Variants in SPP2 observed in about 807,000 individuals in gnomAD.
SPP2 encodes the protein secreted phosphoprotein 2.
Under a neutral mutation model 28.8 loss-of-function variants are expected in SPP2, and 34 were observed. That is an observed-to-expected ratio of 1.18 (90% CI 0.90 to 1.57). The LOEUF (loss-of-function observed/expected upper bound fraction) is 1.57. SPP2 is among the 40% of genes most tolerant of loss of function. SPP2 has a pLI of 0.00. For synonymous variants in SPP2, 96 were observed against 89.4 expected (o/e 1.07, Z -0.42); for missense variants, 269 against 263.9 (o/e 1.02, Z -0.13).
At position 234,069,949 on chromosome 2, in the gene SPP2, C is replaced by T. The variant is rs1693900794; in HGVS notation, c.572C>T (p.Pro191Leu). 2 of 1,613,260 alleles carry T rather than the reference C, an allele frequency of 1.2e-6. No homozygotes were observed. Among genetic ancestry groups the T allele is most frequent in the Non-Finnish European group, 1.7e-6 (2 of 1,179,430 alleles). The change falls in exon 7 of 8, where the codon CCT becomes CTT. Residue 191 changes from proline to leucine, a missense_variant. Transcript: ENST00000168148. ...TTAGGGATCATGAGAAGGGTATTGC[C>T]TCCTGGAAACAGAAGGTACCCAAAC... ...RSLGIMRRVL[P>L]PGNRRYPNHR...
At chr2:234,074,010 C>T (rs1690847664) in intron 7 of SPP2, among the ~76,000 whole-genome samples, 1 of 152,176 alleles carries the variant, frequency 6.6e-6, no homozygotes. Context: ...CATTCTCTTG[C>T]ATAAACCTTG....
At chr2:234,057,663 A>G (rs1574825149) in intron 2 of SPP2, among the ~76,000 whole-genome samples, 1 of 152,344 alleles carries the variant, frequency 6.6e-6, no homozygotes, top group East Asian at 1.9e-4. Context: ...TGAGTACTCA[A>G]GAAGTCACAG....
At chr2:234,058,145 C>T (rs1198110121) in intron 2 of SPP2, among the ~76,000 whole-genome samples, 1 of 152,168 alleles carries the variant, frequency 6.6e-6, no homozygotes, top group East Asian at 1.9e-4. Context: ...CGACCAACAG[C>T]ACTGTGACTC....
At chr2:234,060,332 C>G (rs753669598) in intron 3 of SPP2, 37 bp from the exon 4 acceptor site, 7 of 1,455,070 alleles carry the variant, frequency 4.8e-6, no homozygotes, top group Middle Eastern at 3.5e-4. Flanking sequence ...TTTCCACAAA[C>G]AGCTGAAGAG....
chr2:234,063,837 C>G (rs1445214382), intron 4 of SPP2, among the ~76,000 whole-genome samples: 1 of 151,980 alleles, frequency 6.6e-6, no homozygotes, highest in African/African-American at 2.4e-5. Context: ...CTAGGGTTTC[C>G]GACACGAGAC....
At chr2:234,067,859 A>ATT (rs529978987) in intron 6 of SPP2, among the ~76,000 whole-genome samples, 3 of 144,186 alleles carry the variant, frequency 2.1e-5, no homozygotes, top group Non-Finnish European at 4.6e-5. Flanking sequence ...AGCATTCACC[A>ATT]TTTTTTTTTT....
intron 2 of SPP2, among the ~76,000 whole-genome samples, chr2:234,053,743 C>T (rs921985653): frequency 6.6e-6 from 1 of 152,016 alleles, no homozygotes; most frequent in African/African-American, 2.4e-5. Context: ...TTTTCTTGCT[C>T]CAACCTTGAC....
chr2:234,074,382 G>C (rs574321266), intron 7 of SPP2, among the ~76,000 whole-genome samples: 1 of 152,004 alleles, frequency 6.6e-6, no homozygotes, highest in Non-Finnish European at 1.5e-5. Context: ...CACCACCACC[G>C]CCAGCTTTCT....
intron 4 of SPP2, among the ~76,000 whole-genome samples, chr2:234,064,900 G>A (rs1214708555): frequency 6.6e-6 from 1 of 152,130 alleles, no homozygotes; most frequent in African/African-American, 2.4e-5. Context: ...TCATTCCTTT[G>A]TATTGTTCCG....
intron 2 of SPP2, among the ~76,000 whole-genome samples, chr2:234,056,460 A>G (rs550734204): frequency 6.6e-6 from 1 of 152,354 alleles, no homozygotes; most frequent in African/African-American, 2.4e-5. Context: ...TTCAAATGAA[A>G]CAGCAAAAAT....
intron 3 of SPP2, 144 bp downstream of exon 3, chr2:234,059,102 G>A: frequency 5.0e-6 from 5 of 990,830 alleles, no homozygotes; most frequent in Admixed American, 3.1e-5. Context: ...GTCCCCTGGT[G>A]GGGGAAGTGT....
intron 4 of SPP2, among the ~76,000 whole-genome samples, chr2:234,062,518 T>C (rs1693740679): frequency 6.6e-6 from 1 of 152,098 alleles, no homozygotes; most frequent in Non-Finnish European, 1.5e-5. Context: ...CGAGGTTGCC[T>C]GGCTCTATCC....
chr2:234,069,281 T>C (rs1693887351), intron 6 of SPP2, among the ~76,000 whole-genome samples: 1 of 152,130 alleles, frequency 6.6e-6, no homozygotes, highest in African/African-American at 2.4e-5. Flanking sequence ...GGAAGTGATA[T>C]ATCATCACTT....
intron 6 of SPP2, 64 bp from the exon 7 acceptor site, chr2:234,069,864 T>G: frequency 7.8e-7 from 1 of 1,284,446 alleles, no homozygotes; most frequent in South Asian, 1.2e-5. Context: ...GTAGTAACAT[T>G]GTCCACACTG....
chr2:234,072,029 C>G (rs1052577310), intron 7 of SPP2, among the ~76,000 whole-genome samples: 1 of 152,228 alleles, frequency 6.6e-6, no homozygotes, highest in African/African-American at 2.4e-5. Context: ...TCAACTGCCA[C>G]TGTCCCGCAG....
At chr2:234,056,560 C>T (rs1055461399) in intron 2 of SPP2, among the ~76,000 whole-genome samples, 2 of 152,104 alleles carry the variant, frequency 1.3e-5, no homozygotes, top group Non-Finnish European at 2.9e-5. Context: ...ATGATCTGTA[C>T]CCCCAAAAAA....
At chr2:234,055,743 G>A (rs1693592831) in intron 2 of SPP2, among the ~76,000 whole-genome samples, 1 of 151,972 alleles carries the variant, frequency 6.6e-6, no homozygotes, top group Admixed American at 6.6e-5. Context: ...TTCATATGAA[G>A]GTATACAATG....
intron 2 of SPP2, among the ~76,000 whole-genome samples, chr2:234,055,371 G>A (rs1379037468): frequency 6.6e-6 from 1 of 152,180 alleles, no homozygotes; most frequent in African/African-American, 2.4e-5. Context: ...CTGATTCGAT[G>A]AAGCCCACCC....
intron 6 of SPP2, among the ~76,000 whole-genome samples, chr2:234,069,131 G>A (rs1693883466): frequency 6.6e-6 from 1 of 151,902 alleles, no homozygotes; most frequent in South Asian, 2.1e-4. Context: ...CTTTCCATAA[G>A]ACTTCTGAAT....
Sources: gnomAD v4.1 joint callset for allele counts (sites outside exome capture counted in the v4.1 genomes callset) on GRCh38, gnomAD v4.1.1 for gene constraint, MANE v1.5 for transcripts, NCBI Gene and HGNC (gene_info 2026-07-23, HGNC 2026-07-21) for gene names.